Variants in ZMIZ1 observed in about 807,000 individuals in gnomAD.
ZMIZ1 encodes zinc finger MIZ-type containing 1.
A neutral mutation model predicts 113.9 loss-of-function variants in ZMIZ1; 17 were observed. That is an observed-to-expected ratio of 0.15 (90% CI 0.10 to 0.22). The LOEUF (loss-of-function observed/expected upper bound fraction) is 0.22, where lower values mean the gene tolerates loss of function less well. Ranked by LOEUF, ZMIZ1 falls within the 10% of genes least tolerant of loss-of-function variation. The pLI is 1.00. For synonymous variants in ZMIZ1, 607 were observed against 603.1 expected (o/e 1.01, Z -0.09); for missense variants, 1,059 against 1,477.8 (o/e 0.72, Z 4.65).
At chr10:79,224,435 C>T (rs1452410647) in intron 7 of ZMIZ1, among the ~76,000 whole-genome samples, 1 of 152,146 alleles carries the variant, frequency 6.6e-6, no homozygotes, top group Non-Finnish European at 1.5e-5. Context: ...CTCTGGTTCC[C>T]CGAGAGCTCC....
intron 1 of ZMIZ1, among the ~76,000 whole-genome samples, chr10:79,104,950 G>GGTGTGTGTGTGTGTGTGT (rs58453718): frequency 7.1e-6 from 1 of 140,092 alleles, no homozygotes; most frequent in African/African-American, 2.7e-5. Flanking sequence ...GTTGTTGTGG[G>GGTGTGTGTGTGTGTGTGT]GTGTGTGTGT....
intron 3 of ZMIZ1, among the ~76,000 whole-genome samples, chr10:79,140,086 C>T (rs1433061973): frequency 6.6e-6 from 1 of 152,190 alleles, no homozygotes; most frequent in Non-Finnish European, 1.5e-5. Flanking sequence ...GTTGAGCCAT[C>T]TTAGCAGCCT....
intron 16 of ZMIZ1, among the ~76,000 whole-genome samples, chr10:79,300,016 A>G (rs1854183315): frequency 6.6e-6 from 1 of 151,458 alleles, no homozygotes; most frequent in South Asian, 2.1e-4. Flanking sequence ...ATGCACACAC[A>G]CCCCTGCTGT....
chr10:79,292,915 A>C (rs983509409), intron 11 of ZMIZ1: 1 of 464,904 alleles, frequency 2.2e-6, no homozygotes, highest in Non-Finnish European at 4.3e-6. Context: ...AGCTGGGCTG[A>C]GGCCAACTTT....
intron 5 of ZMIZ1, among the ~76,000 whole-genome samples, chr10:79,205,701 A>T (rs1267133498): frequency 6.6e-6 from 1 of 152,078 alleles, no homozygotes; most frequent in Non-Finnish European, 1.5e-5. Flanking sequence ...GGTTTGGACC[A>T]TGTCTGTTCT....
chr10:79,242,307 C>T (rs568642097), intron 7 of ZMIZ1, among the ~76,000 whole-genome samples: 123 of 152,104 alleles, frequency 8.1e-4, no homozygotes, highest in African/African-American at 2.8e-3. Flanking sequence ...CGCGCAGCCG[C>T]CCCCGGCTTC....
At chr10:79,223,167 A>G (rs1849051400) in intron 7 of ZMIZ1, among the ~76,000 whole-genome samples, 1 of 152,220 alleles carries the variant, frequency 6.6e-6, no homozygotes. Context: ...TTATTCAGGG[A>G]CACCCTGCCA....
intron 2 of ZMIZ1, among the ~76,000 whole-genome samples, chr10:79,138,113 T>C (rs2132402084): frequency 6.6e-6 from 1 of 152,154 alleles, no homozygotes; most frequent in South Asian, 2.1e-4. Flanking sequence ...CTCCAACCTG[T>C]GGGCAGAGTG....
intron 1 of ZMIZ1, among the ~76,000 whole-genome samples, chr10:79,099,463 C>G (rs764730346): frequency 6.6e-6 from 1 of 152,178 alleles, no homozygotes; most frequent in Admixed American, 6.5e-5. Context: ...GGTTGCAAGG[C>G]CCCCCAGGGC....
At chr10:79,077,567 T>C (rs925996173) in intron 1 of ZMIZ1, among the ~76,000 whole-genome samples, 1 of 152,204 alleles carries the variant, frequency 6.6e-6, no homozygotes, top group Admixed American at 6.5e-5. Context: ...GTTGTTTACA[T>C]ACTTAAAACA....
chr10:79,096,546 G>A (rs1377882866), intron 1 of ZMIZ1, among the ~76,000 whole-genome samples: 3 of 151,312 alleles, frequency 2.0e-5, no homozygotes, highest in Non-Finnish European at 4.4e-5. Flanking sequence ...GAAATGAGAC[G>A]GCTTCAAAGA....
rs1853891285 is a variant in ZMIZ1 at position 79,296,394 on chromosome 10, CCGTTGTTCAGGTGACCTGGCT to C, written c.1231-76_1231-56del. 6.6e-7 allele frequency: 1 copy of C among 1,515,516 alleles called. No individual in the cohort carries two copies. Among genetic ancestry groups the C allele is most frequent in the Non-Finnish European group, 9.1e-7 (1 of 1,099,164 alleles). 93.9% of individuals were successfully genotyped at this position (1,515,516 alleles called of 1,614,324 possible). Reference sequence around the variant, plus strand: ...CAAATGAGGAGAGGCGGGCCCCATCCCGTTGTTCAGGTGACCTGGCTATGTGACGTTGGCAACATTGAACGT... The same window carrying C: ...CAAATGAGGAGAGGCGGGCCCCATCCATGTGACGTTGGCAACATTGAACGT... On this transcript the variant is annotated intron_variant, in intron 12 of 24. Coordinates refer to ENST00000334512, the MANE Select transcript of ZMIZ1 (RefSeq NM_020338.4). This position sits in a 1 kb window ranked among gnomAD's most constrained non-coding sequence, Gnocchi z 4.1.
At chr10:79,155,027 A>G (rs377574815) in intron 3 of ZMIZ1, among the ~76,000 whole-genome samples, 2 of 152,162 alleles carry the variant, frequency 1.3e-5, no homozygotes, top group South Asian at 4.2e-4. Flanking sequence ...AGTATCCCCC[A>G]TTTTACAGAT....
intron 4 of ZMIZ1, among the ~76,000 whole-genome samples, chr10:79,167,479 C>G (rs1377066723): frequency 2.0e-5 from 3 of 152,190 alleles, no homozygotes; most frequent in African/African-American, 4.8e-5. Flanking sequence ...AAGGCCACTG[C>G]TGTCCTGCAG....
chr10:79,175,590 G>GTGTGTGTGTGTGTGTGTGTA, intron 4 of ZMIZ1, among the ~76,000 whole-genome samples: 1 of 59,448 alleles, frequency 1.7e-5, no homozygotes, highest in Non-Finnish European at 3.0e-5. Flanking sequence ...CTGCGTGTGT[G>GTGTGTGTGTGTGTGTGTGTA]TGTGTGTGTG....
chr10:79,143,863 G>A (rs1035833121), intron 3 of ZMIZ1, among the ~76,000 whole-genome samples: 1 of 152,202 alleles, frequency 6.6e-6, no homozygotes, highest in East Asian at 1.9e-4. Context: ...CGTCTGCAGA[G>A]TGAGTGCGGT....
intron 2 of ZMIZ1, among the ~76,000 whole-genome samples, chr10:79,124,238 G>A (rs1380004127): frequency 6.6e-6 from 1 of 152,198 alleles, no homozygotes; most frequent in Non-Finnish European, 1.5e-5. Context: ...TTATTGGTCT[G>A]TAAAATCAGA....
intron 8 of ZMIZ1, among the ~76,000 whole-genome samples, chr10:79,279,392 C>T (rs1000614738): frequency 2.0e-5 from 3 of 152,048 alleles, no homozygotes; most frequent in Non-Finnish European, 2.9e-5. Flanking sequence ...GCGCTCCCCA[C>T]ATCCCAGACG....
chr10:79,150,064 G>T (rs1486879515), intron 3 of ZMIZ1, among the ~76,000 whole-genome samples: 1 of 152,200 alleles, frequency 6.6e-6, no homozygotes, highest in Non-Finnish European at 1.5e-5. Flanking sequence ...CCTGGGCTGG[G>T]TGGGGCCAGT....
Sources: gnomAD v4.1 joint callset for allele counts (sites outside exome capture counted in the v4.1 genomes callset) on GRCh38, gnomAD v4.1.1 for gene constraint, Gnocchi (gnomAD v3.1) non-coding constraint, MANE v1.5 for transcripts, NCBI Gene and HGNC (gene_info 2026-07-23, HGNC 2026-07-21) for gene names.